SLAIN2: variants seen among roughly 807,000 people sequenced by gnomAD.
The protein encoded by SLAIN2 is SLAIN motif-containing protein 2.
A neutral mutation model predicts 56.6 loss-of-function variants in SLAIN2; 31 were observed. That is an observed-to-expected ratio of 0.55 (90% confidence interval 0.41 to 0.74). The LOEUF (loss-of-function observed/expected upper bound fraction) is 0.74, where lower values mean the gene tolerates loss of function less well. SLAIN2 is among the 30% of genes least tolerant of loss of function. The pLI is 0.00. For missense variants in SLAIN2, 777 were observed against 754.2 expected, an observed-to-expected ratio of 1.03 and a Z score of -0.35; for synonymous variants, 317 against 284.9, an observed-to-expected ratio of 1.11 and a Z score of -1.13.
At chr4:48,387,741 A>T (rs1340897353) in intron 6 of SLAIN2, among the ~76,000 whole-genome samples, 1 of 152,108 alleles carries the variant, frequency 6.6e-6, no homozygotes, top group African/African-American at 2.4e-5. Flanking sequence ...GAAAGTTAAC[A>T]TGAAGCAAAA....
At chr4:48,342,445 C>T (rs951052446) in intron 1 of SLAIN2, among the ~76,000 whole-genome samples, 1 of 152,152 alleles carries the variant, frequency 6.6e-6, no homozygotes, top group African/African-American at 2.4e-5. Context: ...TGGGAAACTG[C>T]TTTGTAGGCA....
chr4:48,382,096 G>C (rs1011692302), intron 4 of SLAIN2, among the ~76,000 whole-genome samples: 2 of 152,156 alleles, frequency 1.3e-5, no homozygotes, highest in African/African-American at 4.8e-5. Context: ...AAGTGGGTTA[G>C]AAGTTTCTTT....
chr4:48,395,277 A>G (rs2109772481), intron 6 of SLAIN2, among the ~76,000 whole-genome samples: 1 of 152,298 alleles, frequency 6.6e-6, no homozygotes, highest in South Asian at 2.1e-4. Flanking sequence ...TAATAAAAAC[A>G]AACAGAGGCC....
At chr4:48,412,743 T>A (rs1395472808) in intron 6 of SLAIN2, among the ~76,000 whole-genome samples, 2 of 152,230 alleles carry the variant, frequency 1.3e-5, no homozygotes, top group East Asian at 3.8e-4. Flanking sequence ...ACAATTTTTG[T>A]ATGCTTACAA....
At chr4:48,415,354 C>T (rs1167791140) in intron 6 of SLAIN2, among the ~76,000 whole-genome samples, 2 of 65,272 alleles carry the variant, frequency 3.1e-5, no homozygotes, top group Non-Finnish European at 6.9e-5. Flanking sequence ...GCATAAATGT[C>T]TTCTTTTGAG....
At chr4:48,391,584 T>C (rs116063350) in intron 6 of SLAIN2, among the ~76,000 whole-genome samples, 198 of 152,274 alleles carry the variant, frequency 1.3e-3, no homozygotes, top group African/African-American at 4.7e-3. Context: ...CACCCACTTA[T>C]TGCCTACTCT....
At chr4:48,357,375 C>CT (rs71660443) in intron 1 of SLAIN2, among the ~76,000 whole-genome samples, 82 of 147,294 alleles carry the variant, frequency 5.6e-4, no homozygotes, top group Admixed American at 2.7e-3. Flanking sequence ...ATATTTAAGT[C>CT]TTTTTTTTTT....
At chr4:48,386,857 C>A (rs1325160846) in intron 6 of SLAIN2, among the ~76,000 whole-genome samples, 1 of 152,002 alleles carries the variant, frequency 6.6e-6, no homozygotes, top group Non-Finnish European at 1.5e-5. Context: ...GCAAAAAAAA[C>A]CACCCACAAT....
chr4:48,356,475 G>C (rs1715159505), intron 1 of SLAIN2, among the ~76,000 whole-genome samples: 1 of 152,150 alleles, frequency 6.6e-6, no homozygotes, highest in Admixed American at 6.5e-5. Context: ...TAGCTGAAAA[G>C]ATCTGTACTA....
intron 2 of SLAIN2, among the ~76,000 whole-genome samples, chr4:48,374,068 G>T (rs1405337956): frequency 6.6e-6 from 1 of 152,120 alleles, no homozygotes; most frequent in Non-Finnish European, 1.5e-5. Flanking sequence ...GAGCATTCCA[G>T]ATAAAAAGAA....
intron 6 of SLAIN2, among the ~76,000 whole-genome samples, chr4:48,411,186 T>A (rs559297226): frequency 1.1e-4 from 17 of 152,236 alleles, no homozygotes; most frequent in Non-Finnish European, 2.4e-4. Flanking sequence ...AAGGGGAGGA[T>A]AAGTAGGCTG....
rs1560465827 is a variant in SLAIN2 at position 48,412,400 on chromosome 4, ACACACAC to A, written c.1361-7724_1361-7718del. 7.6e-4 allele frequency among the ~76,000 whole-genome samples: 44 copies of A among 57,652 alleles called. 2 individuals carry two copies. Among genetic ancestry groups the A allele is most frequent in the African/African-American group, 2.1e-3 (40 of 18,952 alleles). The allele number at this position is 57,652 out of a possible 152,430, so 37.8% of individuals were successfully genotyped here. On this transcript the variant is annotated intron_variant, in intron 6 of 7. Coordinates refer to ENST00000264313, the MANE Select transcript of SLAIN2 (RefSeq NM_020846.2). The stretch of plus-strand genomic sequence containing the variant: ...CACACACACACACACACACACACAC[ACACACAC>A]ACACACACATTCCCTCTCTCTCTCT...
chr4:48,393,697 G>T (rs1716291846), intron 6 of SLAIN2, among the ~76,000 whole-genome samples: 1 of 152,086 alleles, frequency 6.6e-6, no homozygotes, highest in Non-Finnish European at 1.5e-5. Context: ...TTTCAAATCA[G>T]CAGAGTAACT....
rs1375628595 is a variant in SLAIN2, at chr4:48,363,969, G to T, written c.390-5880G>T. Among the ~76,000 whole-genome samples the T allele has an allele frequency of 6.2e-5, 8 of 129,678 alleles. 1 individual carries two copies. Among genetic ancestry groups the T allele is most frequent in the African/African-American group, 2.2e-4 (8 of 35,926 alleles). The allele number at this position is 129,678 out of a possible 152,430, so 85.1% of individuals were successfully genotyped here. A position where few individuals can be genotyped will look rare whatever the true frequency, so the allele number is the denominator to read the frequency against. On this transcript the variant is annotated intron_variant, in intron 1 of 7. Transcript: ENST00000264313. ...CCGGACGGGGCGGCTGGCCGGGCAGGGGGCTGACCCCCCCCACCTCCCTCC... is the reference window on the plus strand; with the variant it reads ...CCGGACGGGGCGGCTGGCCGGGCAGTGGGCTGACCCCCCCCACCTCCCTCC...
intron 1 of SLAIN2, among the ~76,000 whole-genome samples, chr4:48,365,476 C>T (rs1263307173): frequency 5.4e-5 from 8 of 148,448 alleles, no homozygotes; most frequent in Admixed American, 2.7e-4. Flanking sequence ...GCACTTTTTC[C>T]CCCTATACTT....
intron 6 of SLAIN2, among the ~76,000 whole-genome samples, chr4:48,404,525 A>G (rs756352673): frequency 2.2e-4 from 33 of 152,342 alleles, no homozygotes; most frequent in Non-Finnish European, 4.0e-4. Flanking sequence ...AATTAAAATG[A>G]TAGGAGTTGT....
At chr4:48,369,807 T>C in intron 1 of SLAIN2, 42 bp from the exon 2 acceptor site, 3 of 1,588,330 alleles carry the variant, frequency 1.9e-6, no homozygotes, top group Non-Finnish European at 2.6e-6. Context: ...TATAACCTTG[T>C]GCTTAATAAG....
rs1717122100 is a variant in SLAIN2 at position 48,420,586 on chromosome 4, A to G, written c.1679+143A>G. The G allele has an allele frequency of 1.1e-5, 10 of 922,662 alleles. No individual in the cohort carries two copies. In the Admixed American group the frequency reaches 2.9e-4, roughly 26 times the overall value. 57.2% of individuals were successfully genotyped at this position (922,662 alleles called of 1,614,324 possible). On this transcript the variant is annotated intron_variant, in intron 7 of 7. Transcript: ENST00000264313. ...AGAGTTTTAGTACCATTTGAATAAA[A>G]CTTTACTACATTGTTTTTAAGAAAT...
chr4:48,406,740 TATTC>T (rs1716708514), intron 6 of SLAIN2, among the ~76,000 whole-genome samples: 1 of 152,090 alleles, frequency 6.6e-6, no homozygotes, highest in South Asian at 2.1e-4. Context: ...ATGAGAACAG[TATTC>T]ATTCTTTCAA....
Sources: gnomAD v4.1 joint callset for allele counts (sites outside exome capture counted in the v4.1 genomes callset) on GRCh38, gnomAD v4.1.1 for gene constraint, MANE v1.5 for transcripts, NCBI Gene and HGNC (gene_info 2026-07-23, HGNC 2026-07-21) for gene names.